The following AOC3 variants were observed in gnomAD, a reference collection of about 807,000 sequenced individuals.
The protein encoded by AOC3 is amine oxidase copper containing 3, also known as amine oxidase [copper-containing] 3.
In AOC3, 47 loss-of-function variants were observed where a neutral mutation model predicts 55.4. The observed-to-expected ratio is 0.85, with a 90% CI of 0.67 to 1.08. The LOEUF (loss-of-function observed/expected upper bound fraction) is 1.08, where lower values mean the gene tolerates loss of function less well. Ranked by LOEUF, AOC3 falls within the 50% of genes least tolerant of loss-of-function variation. The pLI is 0.00. For missense variants in AOC3, 853 were observed against 993.1 expected (o/e 0.86, Z 1.90); for synonymous variants, 386 against 410.7 (o/e 0.94, Z 0.73).
chr17:42,852,805 C>T lies in AOC3; in HGVS notation c.1462C>T (p.Arg488Ter), dbSNP rs573304904. Residue 488 changes from arginine to a stop codon, truncating the protein, a stop_gained, in exon 1 of 4, where the codon CGA (arginine) becomes TGA (stop). Transcript: ENST00000308423. LOFTEE classifies it high-confidence loss of function. ...VFHPSGAIEI[R>*]FYATGYISSA... Reference sequence around the variant, plus strand: ...CCACCCCAGTGGGGCCATAGAAATACGATTCTATGCCACGGGCTACATCAG... The same window carrying T: ...CCACCCCAGTGGGGCCATAGAAATATGATTCTATGCCACGGGCTACATCAG... 2.0e-5 allele frequency: 33 copies of T among 1,613,896 alleles called. No individual in the cohort carries two copies. In the South Asian group the frequency reaches 2.2e-4, roughly 11 times the overall value.
intron 3 of AOC3, 107 bp downstream of exon 3, chr17:42,855,680 C>A: frequency 1.4e-6 from 2 of 1,458,904 alleles, no homozygotes; most frequent in Non-Finnish European, 1.9e-6. Context: ...CTGCCTTCTG[C>A]ACTTCAGTAT....
In AOC3 at chr17:42,856,396, A is replaced by G; in HGVS notation, c.2138A>G (p.Glu713Gly). 1 of 1,614,156 alleles carries G rather than the reference A, an allele frequency of 6.2e-7. No homozygotes were observed. The highest frequency in any genetic ancestry group is 8.5e-7 in the Non-Finnish European group (1 of 1,180,028). Residue 713 changes from glutamate to glycine, a missense_variant, in exon 4 of 4, where the codon GAA becomes GGA. By Grantham distance (98) the Glu-to-Gly change is moderately conservative. Transcript: ENST00000308423. Reference sequence around the variant, plus strand: ...CTCCGACCCTATAACTTCTTTGACGAAGACCCCTCCTTCTACTCTGCCGAC... The same window carrying G: ...CTCCGACCCTATAACTTCTTTGACGGAGACCCCTCCTTCTACTCTGCCGAC... ...FFLRPYNFFD[E>G]DPSFYSADSI...
rs1213302863 is a variant in AOC3 at position 42,851,837 on chromosome 17, C to G, written c.494C>G (p.Pro165Arg). The G allele has an allele frequency of 5.6e-6, 9 of 1,613,504 alleles. No individual in the cohort carries two copies. Among genetic ancestry groups the G allele is most frequent in the Non-Finnish European group, 6.8e-6 (8 of 1,180,046 alleles). The change falls in exon 1 of 4, where the codon CCC becomes CGC. Residue 165 changes from proline to arginine, a missense_variant. Pro to Arg is a moderately radical substitution (Grantham distance 103). Transcript: ENST00000308423. Reference sequence around the variant, plus strand: ...GTGGAGCGTCATGGAGGCCCCCTGCCCTATCACCGACGCCCCGTGCTGTTC... The same window carrying G: ...GTGGAGCGTCATGGAGGCCCCCTGCGCTATCACCGACGCCCCGTGCTGTTC... The part of the protein sequence containing the change: ...VTVERHGGPL[P>R]YHRRPVLFQE...
rs961302606 is a variant in AOC3, at chr17:42,851,256, G to C, written c.-88G>C. 8.9e-6 allele frequency: 10 copies of C among 1,128,014 alleles called. No individual in the cohort carries two copies. Among genetic ancestry groups the C allele is most frequent in the Admixed American group, 5.8e-5 (2 of 34,378 alleles). The allele number at this position is 1,128,014 out of a possible 1,614,324, so 69.9% of individuals were successfully genotyped here. On this transcript the variant is annotated 5_prime_UTR_variant, in exon 1 of 4. Coordinates refer to ENST00000308423, the MANE Select transcript of AOC3 (RefSeq NM_003734.4). ...CCAGAGTCCGGGAGCCCCCCACCCC[G>C]TCCAGGAGCCAACAGAGCCCCCGTC...
intron 2 of AOC3, 119 bp downstream of exon 2, chr17:42,854,852 T>C (rs752645834): frequency 2.3e-4 from 38 of 165,932 alleles, no homozygotes; most frequent in African/African-American, 1.0e-3. Context: ...TTTCTTTTCC[T>C]TTTTTTTTTT....
At chr17:42,855,344 A>G (rs868303883) in intron 2 of AOC3, 100 bp from the exon 3 acceptor site, 1 of 1,484,440 alleles carries the variant, frequency 6.7e-7, no homozygotes, top group Admixed American at 2.1e-5. Context: ...GTGTGACTGC[A>G]ATTGGGGAAG....
rs1190204625 is a variant in AOC3, at chr17:42,852,032, A to G, written c.689A>G (p.Tyr230Cys). 6.2e-7 allele frequency: 1 copy of G among 1,613,762 alleles called. No homozygotes were observed. Among genetic ancestry groups the G allele is most frequent in the Non-Finnish European group, 8.5e-7 (1 of 1,179,824 alleles). The change falls in exon 1 of 4, where the codon TAC becomes TGC. Residue 230 changes from tyrosine (Y) to cysteine (C), a missense_variant. Physicochemically the swap from Tyr to Cys is radical, Grantham distance 194 (BLOSUM62 -2). Coordinates refer to ENST00000308423, the MANE Select transcript of AOC3 (RefSeq NM_003734.4). Reference sequence around the variant, plus strand: ...GACCGGGCCACCTGGTTTGGCCTCTACTACAACATCTCGGGCGCTGGGTTC... The same window carrying G: ...GACCGGGCCACCTGGTTTGGCCTCTGCTACAACATCTCGGGCGCTGGGTTC... Reference protein sequence around the residue: ...SGDRATWFGLYYNISGAGFFL... With the variant: ...SGDRATWFGLCYNISGAGFFL...
At position 42,856,693 on chromosome 17, in the gene AOC3, G is replaced by C. The variant is rs574477848; in HGVS notation, c.*143G>C. 83 of 988,758 alleles carry C rather than the reference G, an allele frequency of 8.4e-5. No individual in the cohort carries two copies. The highest frequency in any genetic ancestry group is 7.5e-4 in the African/African-American group (46 of 61,664). The allele number at this position is 988,758 out of a possible 1,614,324, so 61.2% of individuals were successfully genotyped here. A position where few individuals can be genotyped will look rare whatever the true frequency, so the allele number is the denominator to read the frequency against. On this transcript the variant is annotated 3_prime_UTR_variant, in exon 4 of 4. Transcript: ENST00000308423. ...TCTTCCACTACCCTCCCTCGCATCC[G>C]CCTCTGAGCCAGGAGCCTCCTGACC...
At position 42,852,905 on chromosome 17, in the gene AOC3, C is replaced by T. The variant is rs1423485495; in HGVS notation, c.1562C>T (p.Thr521Ile). ...GAGCACACCCTGGGCACGGTCCACA[C>T]CCACAGCGCCCACTTCAAGGTGGAT... is the stretch of plus-strand genomic sequence containing the variant. ...VSEHTLGTVH[T>I]HSAHFKVDLD... The change falls in exon 1 of 4, where the codon ACC becomes ATC. Residue 521 changes from threonine (T) to isoleucine (I), a missense_variant. By Grantham distance (89) the Thr-to-Ile change is moderately conservative (BLOSUM62 -1). Coordinates refer to ENST00000308423, the MANE Select transcript of AOC3 (RefSeq NM_003734.4). The T allele has an allele frequency of 6.2e-7, 1 of 1,608,874 alleles. No individual in the cohort carries two copies. The highest frequency in any genetic ancestry group is 1.1e-5 in the South Asian group (1 of 91,034).
At position 42,856,818 on chromosome 17, in the gene AOC3, C is replaced by G. The variant is rs150739682; in HGVS notation, c.*268C>G. 129 of 518,688 alleles carry G rather than the reference C, an allele frequency of 2.5e-4. 1 individual carries two copies. The highest frequency in any genetic ancestry group is 2.3e-3 in the African/African-American group (122 of 52,552). The allele number at this position is 518,688 out of a possible 1,614,324, so 32.1% of individuals were successfully genotyped here. ...GCATGGCCCAGCCTGGAGCCGTGGC[C>G]GAGGGCTTCCCTAGATGGTTCCCTT... On this transcript the variant is annotated 3_prime_UTR_variant, in exon 4 of 4. Transcript: ENST00000308423.
Position 42,856,687 on chromosome 17 carries a change from G to A in AOC3, c.*137G>A, listed in dbSNP as rs955830102. ...TCTCTTTCTTCCACTACCCTCCCTC[G>A]CATCCGCCTCTGAGCCAGGAGCCTC... On this transcript the variant is annotated 3_prime_UTR_variant, in exon 4 of 4. Transcript: ENST00000308423. 38 of 1,045,988 alleles carry A rather than the reference G, an allele frequency of 3.6e-5. No homozygotes were observed. The highest frequency in any genetic ancestry group is 7.9e-5 in the Admixed American group (3 of 37,816). The allele number at this position is 1,045,988 out of a possible 1,614,324, so 64.8% of individuals were successfully genotyped here.
In AOC3 at chr17:42,855,587, G is replaced by A. The variant is rs745319721; in HGVS notation, c.2016+14G>A. ...ATTGCTGGAAAGGTCAGCTGGCCGG[G>A]GTAGAGGGTACAGGATGAGCCTTGC... On this transcript the variant is annotated intron_variant, in intron 3 of 3. Coordinates refer to ENST00000308423, the MANE Select transcript of AOC3 (RefSeq NM_003734.4). 3 of 1,614,040 alleles carry A rather than the reference G, an allele frequency of 1.9e-6. No homozygotes were observed. Among genetic ancestry groups the A allele is most frequent in the East Asian group, 4.5e-5 (2 of 44,896 alleles).
rs545658661 is a variant in AOC3, at chr17:42,855,111, C to T, written c.1887-333C>T. 5.3e-5 allele frequency among the ~76,000 whole-genome samples: 8 copies of T among 152,294 alleles called. No homozygotes were observed. The East Asian group carries it at 1.4e-3, about 26-fold the overall frequency. On this transcript the variant is annotated intron_variant, in intron 2 of 3. Coordinates refer to ENST00000308423, the MANE Select transcript of AOC3 (RefSeq NM_003734.4). The stretch of plus-strand genomic sequence containing the variant: ...CCACCCTCCTTGGTCTCCCAAAGTG[C>T]TGTGATTACAGGCATGAGCCACAAT...
At position 42,857,894 on chromosome 17, in the gene AOC3, G is replaced by A. The variant is rs2055771517; in HGVS notation, c.*1344G>A. On this transcript the variant is annotated 3_prime_UTR_variant, in exon 4 of 4. Transcript: ENST00000308423. ...TGAAAAAGGCAAGCCACAGAAATGT[G>A]TATAGCGCACTTCCCATTTGTGTTT... 1 of 152,222 alleles carries A rather than the reference G, an allele frequency of 6.6e-6. No homozygotes were observed. The highest frequency in any genetic ancestry group is 1.5e-5 in the Non-Finnish European group (1 of 68,046). The allele number at this position is 152,222 out of a possible 1,614,324, so 9.4% of individuals were successfully genotyped here.
chr17:42,851,439 G>A lies in AOC3; in HGVS notation c.96G>A (p.Gly32=), dbSNP rs778091535. The change falls in exon 1 of 4, where the codon GGG becomes GGA. Residue 32 remains glycine, a synonymous_variant. Transcript: ENST00000308423. The part of the protein sequence containing the change: ...CVLLVGRGGD[G]GEPSQLPHCP... Reference sequence around the variant, plus strand: ...TGCTGGTGGGCAGGGGTGGAGATGGGGGTGAACCCAGCCAGCTTCCCCATT... The same window carrying A: ...TGCTGGTGGGCAGGGGTGGAGATGGAGGTGAACCCAGCCAGCTTCCCCATT... 5 of 1,614,238 alleles carry A rather than the reference G, an allele frequency of 3.1e-6. No individual in the cohort carries two copies. Among genetic ancestry groups the A allele is most frequent in the Non-Finnish European group, 4.2e-6 (5 of 1,180,044 alleles).
Position 42,851,838 on chromosome 17 carries a change from C to CT in AOC3, c.496dup (p.Tyr166LeufsTer90). On this transcript the variant is annotated frameshift_variant, in exon 1 of 4. Transcript: ENST00000308423. LOFTEE classifies it high-confidence loss of function. ...TGGAGCGTCATGGAGGCCCCCTGCC[C>CT]TATCACCGACGCCCCGTGCTGTTCC... 1.2e-6 allele frequency: 2 copies of CT among 1,613,640 alleles called. No individual in the cohort carries two copies. The highest frequency in any genetic ancestry group is 1.1e-5 in the South Asian group (1 of 91,092).
rs1161668773 is a variant in AOC3, at chr17:42,852,462, T to C, written c.1119T>C (p.Gly373=). 1.2e-6 allele frequency: 2 copies of C among 1,614,106 alleles called. No homozygotes were observed. The highest frequency in any genetic ancestry group is 1.7e-5 in the Admixed American group (1 of 60,012). ...TCCAAGAGGCCTTGGCCATCTATGG[T>C]GGAAATTCCCCAGCAGCAATGACGA... The part of the protein sequence containing the change: ...ISLQEALAIY[G]GNSPAAMTTR... The change falls in exon 1 of 4, where the codon GGT becomes GGC. Residue 373 remains glycine (G), a synonymous_variant. Coordinates refer to ENST00000308423, the MANE Select transcript of AOC3 (RefSeq NM_003734.4).
rs2055672572 is a variant in AOC3 at position 42,851,873 on chromosome 17, TG to T, written c.532del (p.Asp178ThrfsTer2). ...HRRPVLFQEY[L>X]DIDQMIFNRE... ...CGCCCCGTGCTGTTCCAAGAGTACC[TG>T]GACATAGACCAGATGATCTTCAACA... On this transcript the variant is annotated frameshift_variant, in exon 1 of 4. Transcript: ENST00000308423. LOFTEE classifies it high-confidence loss of function. 1 of 1,613,610 alleles carries T rather than the reference TG, an allele frequency of 6.2e-7. No individual in the cohort carries two copies. Among genetic ancestry groups the T allele is most frequent in the Admixed American group, 1.7e-5 (1 of 60,008 alleles).
chr17:42,853,276 C>A, intron 1 of AOC3: 3 of 1,101,556 alleles, frequency 2.7e-6, no homozygotes, highest in South Asian at 3.3e-5. Context: ...GAGCAGCCTT[C>A]TGTTTGTCAG....
Sources: gnomAD v4.1 joint callset for allele counts (sites outside exome capture counted in the v4.1 genomes callset) on GRCh38, gnomAD v4.1.1 for gene constraint, MANE v1.5 for transcripts, NCBI Gene and HGNC (gene_info 2026-07-23, HGNC 2026-07-21) for gene names.